Variants in SP8 observed in about 807,000 individuals in gnomAD.
SP8 encodes the protein transcription factor Sp8.
In SP8, 7 loss-of-function variants were observed where a neutral mutation model predicts 15.3. The ratio of observed to expected loss-of-function variants is 0.46; its 90% CI spans 0.26 to 0.86. The LOEUF is 0.86. Among genes scored for constraint, SP8 ranks in the 40% least tolerant of loss-of-function variants. The probability of loss-of-function intolerance (pLI) is 0.16; values close to 1 mark genes in which losing one functional copy is unlikely to be tolerated. For missense variants in SP8, 731 were observed against 736.4 expected, an observed-to-expected ratio of 0.99 and a Z score of 0.09; for synonymous variants, 415 against 356.3, an observed-to-expected ratio of 1.16 and a Z score of -1.86.
Position 20,785,469 on chromosome 7 carries a change from GA to G in SP8, c.347del (p.Phe116SerfsTer161). The G allele has an allele frequency of 7.3e-7, 1 of 1,373,962 alleles. No individual in the cohort carries two copies. The highest frequency in any genetic ancestry group is 1.6e-5 in the South Asian group (1 of 60,768). The allele number at this position is 1,373,962 out of a possible 1,614,324, so 85.1% of individuals were successfully genotyped here. A position where few individuals can be genotyped will look rare whatever the true frequency, so the allele number is the denominator to read the frequency against. On this transcript the variant is annotated frameshift_variant, in exon 2 of 2. Transcript: ENST00000418710. LOFTEE classifies it low-confidence loss of function (END_TRUNC). This position sits in a 1 kb window ranked among gnomAD's most constrained non-coding sequence, Gnocchi z 7.2. ...CTGCGGCGCTGCTGGAGGTGAGGGA[GA>G]AGGCGCTGGAGCCAGGCGAGCCGCC... ...SCGGSPGSSAFSLTSSSAAAA... is the reference protein window; with the variant it reads ...SCGGSPGSSAXSLTSSSAAAA...
At position 20,784,006 on chromosome 7, in the gene SP8, T is replaced by TA. The variant is rs1254734337; in HGVS notation, c.*283dup. 1.4e-5 allele frequency: 6 copies of TA among 424,862 alleles called. No individual in the cohort carries two copies. The highest frequency in any genetic ancestry group is 2.1e-5 in the African/African-American group (1 of 48,070). The allele number at this position is 424,862 out of a possible 1,614,324, so 26.3% of individuals were successfully genotyped here. ...AGGACAAGGAAGAGAGAACGAGAAA[T>TA]AAAGGCCCGACGAGGCGCGGGTTCC... On this transcript the variant is annotated 3_prime_UTR_variant, in exon 2 of 2. Coordinates refer to ENST00000418710, the MANE Select transcript of SP8 (RefSeq NM_182700.6).
rs1042118035 is a variant in SP8 at position 20,785,890 on chromosome 7, C to T, written c.22-95G>A. ...GAAATGTGCATCAGTCCTTCGGTAGCCTCCAAAGCGCCCCACTGCACCCCA... is the reference window on the plus strand; with the variant it reads ...GAAATGTGCATCAGTCCTTCGGTAGTCTCCAAAGCGCCCCACTGCACCCCA... On this transcript the variant is annotated intron_variant, in intron 1 of 1. Coordinates refer to ENST00000418710, the MANE Select transcript of SP8 (RefSeq NM_182700.6). The surrounding 1 kb of genome is among the most constrained non-coding windows in gnomAD (Gnocchi z 7.2). The T allele has an allele frequency of 1.4e-6, 2 of 1,479,252 alleles. No homozygotes were observed. Among genetic ancestry groups the T allele is most frequent in the Non-Finnish European group, 1.8e-6 (2 of 1,098,720 alleles). 91.6% of individuals were successfully genotyped at this position (1,479,252 alleles called of 1,614,324 possible). A position where few individuals can be genotyped will look rare whatever the true frequency, so the allele number is the denominator to read the frequency against.
In SP8 at chr7:20,784,668, C is replaced by T; in HGVS notation, c.1149G>A (p.Lys383=). 6.2e-7 allele frequency: 1 copy of T among 1,609,438 alleles called. No homozygotes were observed. The highest frequency in any genetic ancestry group is 2.2e-5 in the East Asian group (1 of 44,784). The change falls in exon 2 of 2, where the codon AAG becomes AAA. Residue 383 remains lysine (K), a synonymous_variant. Transcript: ENST00000418710. ...LHSCHIPGCG[K]VYGKTSHLKA... ...TGAGGTGCGAAGTCTTGCCGTACAC[C>T]TTGCCGCAGCCCGGGATGTGGCAGC...
chr7:20,786,072 C>T lies in SP8; in HGVS notation c.22-277G>A. On this transcript the variant is annotated intron_variant, in intron 1 of 1. Coordinates refer to ENST00000418710, the MANE Select transcript of SP8 (RefSeq NM_182700.6). This position sits in a 1 kb window ranked among gnomAD's most constrained non-coding sequence, Gnocchi z 4.4. ...AAGAAGAGTTTGACAAGTATTCTCA[C>T]CTAAAACAACACTCTCTTGCACACA... 7.8e-7 allele frequency: 1 copy of T among 1,281,686 alleles called. No homozygotes were observed. The allele number at this position is 1,281,686 out of a possible 1,614,324, so 79.4% of individuals were successfully genotyped here. A position where few individuals can be genotyped will look rare whatever the true frequency, so the allele number is the denominator to read the frequency against.
chr7:20,784,275 G>C lies in SP8; in HGVS notation c.*15C>G. On this transcript the variant is annotated 3_prime_UTR_variant, in exon 2 of 2. Coordinates refer to ENST00000418710, the MANE Select transcript of SP8 (RefSeq NM_182700.6). ...TGGGAGGAGGTCGGGGAGAGGGGCG[G>C]GCGCAGGGTGGGCGTCACTCTAGGC... 6.9e-7 allele frequency: 1 copy of C among 1,450,290 alleles called. No individual in the cohort carries two copies. The highest frequency in any genetic ancestry group is 9.0e-7 in the Non-Finnish European group (1 of 1,107,276). 89.8% of individuals were successfully genotyped at this position (1,450,290 alleles called of 1,614,324 possible).
At position 20,785,372 on chromosome 7, in the gene SP8, G is replaced by A. The variant is rs1783637448; in HGVS notation, c.445C>T (p.Pro149Ser). The change falls in exon 2 of 2, where the codon CCC becomes TCC. Residue 149 changes from proline (P) to serine (S), a missense_variant. By Grantham distance (74) the Pro-to-Ser change is moderately conservative. Transcript: ENST00000418710. This position sits in a 1 kb window ranked among gnomAD's most constrained non-coding sequence, Gnocchi z 7.2. The part of the protein sequence containing the change: ...FANDYSVFQA[P>S]GVSGGSGGGG... ...CCGCCGCTGCCCCCGGAAACTCCGG[G>A]GGCCTGGAAAACAGAGTAGTCGTTG... The A allele has an allele frequency of 2.8e-6, 4 of 1,412,244 alleles. No individual in the cohort carries two copies. The highest frequency in any genetic ancestry group is 2.6e-5 in the Admixed American group (1 of 38,132). 87.5% of individuals were successfully genotyped at this position (1,412,244 alleles called of 1,614,324 possible).
Position 20,784,342 on chromosome 7 carries a change from G to A in SP8, c.1475C>T (p.Ser492Phe), listed in dbSNP as rs1783594117. ...HSAAGSPPCH[S>F]PELLQPPEPG... ...CTCGGGGGGCTGCAGCAGCTCTGGG[G>A]AGTGGCAGGGCGGGCTGCCCGCGGC... Residue 492 changes from serine (S) to phenylalanine (F), a missense_variant, in exon 2 of 2, where the codon TCC becomes TTC. Transcript: ENST00000418710. 5 of 1,519,810 alleles carry A rather than the reference G, an allele frequency of 3.3e-6. No individual in the cohort carries two copies. The highest frequency in any genetic ancestry group is 2.0e-5 in the Admixed American group (1 of 49,450). The allele number at this position is 1,519,810 out of a possible 1,614,324, so 94.1% of individuals were successfully genotyped here.
chr7:20,786,013 G>A lies in SP8; in HGVS notation c.22-218C>T. 7.1e-7 allele frequency: 1 copy of A among 1,403,678 alleles called. No individual in the cohort carries two copies. The allele number at this position is 1,403,678 out of a possible 1,614,324, so 87.0% of individuals were successfully genotyped here. A position where few individuals can be genotyped will look rare whatever the true frequency, so the allele number is the denominator to read the frequency against. On this transcript the variant is annotated intron_variant, in intron 1 of 1. Transcript: ENST00000418710. This position sits in a 1 kb window ranked among gnomAD's most constrained non-coding sequence, Gnocchi z 4.4. The stretch of plus-strand genomic sequence containing the variant: ...TCTACAGGAGGGGACAAGTTTGGCT[G>A]CCGGCGTCTGATTCGGGAGCAAGCA...
Position 20,784,068 on chromosome 7 carries a change from G to A in SP8, c.*222C>T, listed in dbSNP as rs960097197. The A allele has an allele frequency of 4.0e-5, 19 of 471,180 alleles. No homozygotes were observed. The highest frequency in any genetic ancestry group is 6.4e-5 in the Non-Finnish European group (18 of 282,094). 29.2% of individuals were successfully genotyped at this position (471,180 alleles called of 1,614,324 possible). A position where few individuals can be genotyped will look rare whatever the true frequency, so the allele number is the denominator to read the frequency against. On this transcript the variant is annotated 3_prime_UTR_variant, in exon 2 of 2. Transcript: ENST00000418710. ...GTTCAGGCAGCGTTACCCGTGGAAA[G>A]GGAAAGCCAGGGCCCGGGACAGCGA...
Position 20,786,369 on chromosome 7 carries a change from G to C in SP8, c.21+409C>G, listed in dbSNP as rs1345220393. On this transcript the variant is annotated intron_variant, in intron 1 of 1. Transcript: ENST00000418710. This position sits in a 1 kb window ranked among gnomAD's most constrained non-coding sequence, Gnocchi z 4.4. The stretch of plus-strand genomic sequence containing the variant: ...AAAGCATATCTACAGTAGTAAAAAC[G>C]AGACGAGTTCAACGTACCTGCGAGA... 6.6e-6 allele frequency among the ~76,000 whole-genome samples: 1 copy of C among 151,992 alleles called. No individual in the cohort carries two copies. The highest frequency in any genetic ancestry group is 2.4e-5 in the African/African-American group (1 of 41,368).
Position 20,784,092 on chromosome 7 carries a change from G to C in SP8, c.*198C>G, listed in dbSNP as rs1051249694. ...AGGGAAAGCCAGGGCCCGGGACAGCGATGCGTGTTACTTACTTGTCCATAT... is the reference window on the plus strand; with the variant it reads ...AGGGAAAGCCAGGGCCCGGGACAGCCATGCGTGTTACTTACTTGTCCATAT... On this transcript the variant is annotated 3_prime_UTR_variant, in exon 2 of 2. Transcript: ENST00000418710. 1 of 507,418 alleles carries C rather than the reference G, an allele frequency of 2.0e-6. No homozygotes were observed. The highest frequency in any genetic ancestry group is 4.3e-5 in the Admixed American group (1 of 23,300). The allele number at this position is 507,418 out of a possible 1,614,324, so 31.4% of individuals were successfully genotyped here. A position where few individuals can be genotyped will look rare whatever the true frequency, so the allele number is the denominator to read the frequency against.
chr7:20,786,083 A>C lies in SP8; in HGVS notation c.22-288T>G. ...GACAAGTATTCTCACCTAAAACAAC[A>C]CTCTCTTGCACACAAAGCCCCAGAC... On this transcript the variant is annotated intron_variant, in intron 1 of 1. Coordinates refer to ENST00000418710, the MANE Select transcript of SP8 (RefSeq NM_182700.6). The surrounding 1 kb of genome is among the most constrained non-coding windows in gnomAD (Gnocchi z 4.4). 8.5e-7 allele frequency: 1 copy of C among 1,177,110 alleles called. No individual in the cohort carries two copies. Among genetic ancestry groups the C allele is most frequent in the South Asian group, 2.3e-5 (1 of 42,572 alleles). The allele number at this position is 1,177,110 out of a possible 1,614,324, so 72.9% of individuals were successfully genotyped here.
Position 20,782,561 on chromosome 7 carries a change from C to A in SP8, c.*1729G>T. The A allele has an allele frequency of 2.7e-5, 1 of 37,464 alleles. No homozygotes were observed. Among genetic ancestry groups the A allele is most frequent in the East Asian group, 7.8e-4 (1 of 1,290 alleles). The allele number at this position is 37,464 out of a possible 1,614,324, so 2.3% of individuals were successfully genotyped here. ...TTTCACTTGGACAATTTATTTAATACATGGGTTTTGGCAGACCACTTATTA... is the reference window on the plus strand; with the variant it reads ...TTTCACTTGGACAATTTATTTAATAAATGGGTTTTGGCAGACCACTTATTA... On this transcript the variant is annotated 3_prime_UTR_variant, in exon 2 of 2. Coordinates refer to ENST00000418710, the MANE Select transcript of SP8 (RefSeq NM_182700.6).
chr7:20,785,689 G>C lies in SP8; in HGVS notation c.128C>G (p.Ser43Cys). Residue 43 changes from serine (S) to cysteine (C), a missense_variant, in exon 2 of 2, where the codon TCC (serine) becomes TGC (cysteine). Physicochemically the swap from Ser to Cys is moderately radical, Grantham distance 112. Around this residue, in one of 3 missense-constraint regions of SP8, gnomAD observed 586 missense variants for 524.9 expected, o/e 1.12. Coordinates refer to ENST00000418710, the MANE Select transcript of SP8 (RefSeq NM_182700.6). The surrounding 1 kb of genome is among the most constrained non-coding windows in gnomAD (Gnocchi z 7.2). ...CCAGGGGTGGAAGCCTTTGCCGAAG[G>C]AAGAAGAGCTGTCCGAGAGGGAGGA... ...SPSSLSDSSS[S>C]FGKGFHPWKR... The C allele has an allele frequency of 6.2e-7, 1 of 1,614,048 alleles. No homozygotes were observed. The highest frequency in any genetic ancestry group is 1.1e-5 in the South Asian group (1 of 91,082).
chr7:20,785,122 C>T lies in SP8; in HGVS notation c.695G>A (p.Gly232Glu), dbSNP rs1783623179. The T allele has an allele frequency of 1.3e-6, 2 of 1,590,388 alleles. No individual in the cohort carries two copies. The highest frequency in any genetic ancestry group is 1.7e-6 in the Non-Finnish European group (2 of 1,171,952). ...SAGASSWWDVGAGWIDVQNPN... is the reference protein window; with the variant it reads ...SAGASSWWDVEAGWIDVQNPN... The stretch of plus-strand genomic sequence containing the variant: ...GTTCTGCACGTCGATCCAGCCGGCC[C>T]CCACGTCCCACCAGCTGGAGGCGCC... The change falls in exon 2 of 2, where the codon GGG (glycine) becomes GAG (glutamate). Residue 232 changes from glycine to glutamate, a missense_variant. Gly to Glu is a moderately conservative substitution (Grantham distance 98, BLOSUM62 -2). Transcript: ENST00000418710. The surrounding 1 kb of genome is among the most constrained non-coding windows in gnomAD (Gnocchi z 7.2).
Position 20,784,509 on chromosome 7 carries a change from A to C in SP8, c.1308T>G (p.Cys436Trp). 6.4e-7 allele frequency: 1 copy of C among 1,563,760 alleles called. No homozygotes were observed. Among genetic ancestry groups the C allele is most frequent in the Non-Finnish European group, 8.7e-7 (1 of 1,155,286 alleles). Residue 436 changes from cysteine to tryptophan, a missense_variant, in exon 2 of 2, where the codon TGT (cysteine) becomes TGG (tryptophan). Physicochemically the swap from Cys to Trp is radical, Grantham distance 215 (BLOSUM62 -2). Coordinates refer to ENST00000418710, the MANE Select transcript of SP8 (RefSeq NM_182700.6). ...GCATGAAGCGCTTGTTGCAAACTGGACAGGCGAAGCGCTTCTCGCCGGTGT... is the reference window on the plus strand; with the variant it reads ...GCATGAAGCGCTTGTTGCAAACTGGCCAGGCGAAGCGCTTCTCGCCGGTGT... ...RTHTGEKRFA[C>W]PVCNKRFMRS... is the part of the protein sequence containing the mutation.
Position 20,784,617 on chromosome 7 carries a change from GC to G in SP8, c.1199del (p.Gly400AlafsTer54). The G allele has an allele frequency of 6.2e-7, 1 of 1,609,768 alleles. No individual in the cohort carries two copies. Among genetic ancestry groups the G allele is most frequent in the Non-Finnish European group, 8.5e-7 (1 of 1,178,968 alleles). On this transcript the variant is annotated frameshift_variant, in exon 2 of 2. Transcript: ENST00000418710. LOFTEE classifies it high-confidence loss of function. The stretch of plus-strand genomic sequence containing the variant: ...GCCAGTTGCACACGAAGGGCCGCTC[GC>G]CCGTGTGCCAGCGCAGGTGCGCCTT... ...HLKAHLRWHT[G>X]ERPFVCNWLF... is the part of the protein sequence containing the mutation.
At position 20,784,277 on chromosome 7, in the gene SP8, C is replaced by T. The variant is rs1187121962; in HGVS notation, c.*13G>A. Reference sequence around the variant, plus strand: ...GGAGGAGGTCGGGGAGAGGGGCGGGCGCAGGGTGGGCGTCACTCTAGGCCG... The same window carrying T: ...GGAGGAGGTCGGGGAGAGGGGCGGGTGCAGGGTGGGCGTCACTCTAGGCCG... On this transcript the variant is annotated 3_prime_UTR_variant, in exon 2 of 2. Transcript: ENST00000418710. The T allele has an allele frequency of 7.0e-6, 10 of 1,435,268 alleles. No individual in the cohort carries two copies. The highest frequency in any genetic ancestry group is 6.0e-5 in the African/African-American group (4 of 66,604). The allele number at this position is 1,435,268 out of a possible 1,614,324, so 88.9% of individuals were successfully genotyped here. A position where few individuals can be genotyped will look rare whatever the true frequency, so the allele number is the denominator to read the frequency against.
rs1562605341 is a variant in SP8 at position 20,783,985 on chromosome 7, CAAGG to C, written c.*301_*304del. 1.0e-5 allele frequency: 4 copies of C among 400,980 alleles called. No homozygotes were observed. Among genetic ancestry groups the C allele is most frequent in the Non-Finnish European group, 1.7e-5 (4 of 230,744 alleles). The allele number at this position is 400,980 out of a possible 1,614,324, so 24.8% of individuals were successfully genotyped here. On this transcript the variant is annotated 3_prime_UTR_variant, in exon 2 of 2. Coordinates refer to ENST00000418710, the MANE Select transcript of SP8 (RefSeq NM_182700.6). ...ACCTGGGGGGTGGAGGAGGGGAGGACAAGGAAGAGAGAACGAGAAATAAAGGCCC... is the reference window on the plus strand; with the variant it reads ...ACCTGGGGGGTGGAGGAGGGGAGGACAAGAGAGAACGAGAAATAAAGGCCC...
Sources: gnomAD v4.1 joint callset for allele counts (sites outside exome capture counted in the v4.1 genomes callset) on GRCh38, gnomAD v4.1.1 for gene constraint, gnomAD v4.1.1 regional missense constraint, Gnocchi (gnomAD v3.1) non-coding constraint, MANE v1.5 for transcripts, NCBI Gene and HGNC (gene_info 2026-07-23, HGNC 2026-07-21) for gene names.